Variants in ARHGAP10 observed in about 807,000 individuals in gnomAD.
ARHGAP10 encodes Rho GTPase activating protein 10.
A neutral mutation model predicts 108.6 loss-of-function variants in ARHGAP10; 87 were observed. The observed-to-expected ratio is 0.80, with a 90% confidence interval of 0.67 to 0.96. The LOEUF is 0.96. Among genes scored for constraint, ARHGAP10 ranks in the 40% least tolerant of loss-of-function variants. The pLI is 0.00. For missense variants in ARHGAP10, 939 were observed against 954.5 expected (o/e 0.98, Z 0.21); for synonymous variants, 347 against 341.1 (o/e 1.02, Z -0.19).
chr4:147,882,525 A>G (rs1165857827), intron 10 of ARHGAP10, among the ~76,000 whole-genome samples: 4 of 152,062 alleles, frequency 2.6e-5, no homozygotes, highest in African/African-American at 2.4e-5. Flanking sequence ...TGTAGCATGA[A>G]GAGAACAATG....
At chr4:147,779,627 G>A (rs560156142) in intron 1 of ARHGAP10, among the ~76,000 whole-genome samples, 1 of 152,208 alleles carries the variant, frequency 6.6e-6, no homozygotes, top group South Asian at 2.1e-4. Flanking sequence ...CTTCAGTTTG[G>A]GAGTCTGGGG....
chr4:147,828,060 C>T (rs2126792909), intron 3 of ARHGAP10, among the ~76,000 whole-genome samples: 1 of 152,280 alleles, frequency 6.6e-6, no homozygotes, highest in East Asian at 1.9e-4. Flanking sequence ...GCCTCATTCA[C>T]CCAAAGTGCT....
intron 18 of ARHGAP10, among the ~76,000 whole-genome samples, chr4:148,014,524 T>C (rs1741280230): frequency 6.6e-6 from 1 of 152,208 alleles, no homozygotes; most frequent in Non-Finnish European, 1.5e-5. Flanking sequence ...AAAGTTTACA[T>C]AGTGAAAATT....
intron 18 of ARHGAP10, among the ~76,000 whole-genome samples, chr4:148,013,059 A>G (rs2149655740): frequency 6.6e-6 from 1 of 152,286 alleles, no homozygotes; most frequent in South Asian, 2.1e-4. Context: ...TTATCAATTA[A>G]AGCAAAGTGT....
chr4:147,857,757 T>G, intron 5 of ARHGAP10, 103 bp downstream of exon 5: 1 of 1,039,640 alleles, frequency 9.6e-7, no homozygotes, highest in Non-Finnish European at 1.3e-6. Context: ...TGGCATTATA[T>G]AGAGATAACA....
At chr4:147,870,040 G>A (rs1223753643) in intron 7 of ARHGAP10, among the ~76,000 whole-genome samples, 1 of 147,596 alleles carries the variant, frequency 6.8e-6, no homozygotes, top group Admixed American at 6.8e-5. Flanking sequence ...GTGTGTGTGT[G>A]TGTGTTTCAT....
At chr4:147,891,358 A>G (rs1341532210) in intron 10 of ARHGAP10, among the ~76,000 whole-genome samples, 2 of 152,246 alleles carry the variant, frequency 1.3e-5, no homozygotes, top group East Asian at 1.9e-4. Flanking sequence ...ATAAAAGGCC[A>G]TGTATATATG....
chr4:148,014,559 C>T (rs1231176643), intron 18 of ARHGAP10, among the ~76,000 whole-genome samples: 2 of 152,122 alleles, frequency 1.3e-5, no homozygotes, highest in African/African-American at 2.4e-5. Context: ...TGGTTCTGAG[C>T]GTATTATCAA....
intron 13 of ARHGAP10, among the ~76,000 whole-genome samples, chr4:147,924,569 CA>C (rs1282386591): frequency 6.6e-6 from 1 of 152,132 alleles, no homozygotes; most frequent in Admixed American, 6.5e-5. Flanking sequence ...GTTTTTAGAA[CA>C]GAAGAAACTT....
chr4:148,010,465 T>G (rs1034626465), intron 18 of ARHGAP10, among the ~76,000 whole-genome samples: 8 of 152,222 alleles, frequency 5.3e-5, no homozygotes, highest in South Asian at 4.1e-4. Flanking sequence ...TCATACCCTT[T>G]TTTTGGTTGA....
chr4:147,751,232 A>G (rs1729133508), intron 1 of ARHGAP10, among the ~76,000 whole-genome samples: 1 of 152,264 alleles, frequency 6.6e-6, no homozygotes, highest in South Asian at 2.1e-4. Flanking sequence ...GTTTTAGATT[A>G]GAGATGTTAG....
At chr4:147,954,848 T>G (rs538019335) in intron 15 of ARHGAP10, among the ~76,000 whole-genome samples, 2 of 152,168 alleles carry the variant, frequency 1.3e-5, no homozygotes, top group South Asian at 4.1e-4. Context: ...AAAGATAAAT[T>G]CTTATTTTTA....
chr4:147,768,793 C>CAGTG (rs1327148072), intron 1 of ARHGAP10, among the ~76,000 whole-genome samples: 4 of 148,432 alleles, frequency 2.7e-5, no homozygotes, highest in Non-Finnish European at 4.4e-5. Flanking sequence ...GACTGGAGTG[C>CAGTG]AGTGGTGCCA....
intron 1 of ARHGAP10, 73 bp downstream of exon 1, chr4:147,732,528 C>G: frequency 2.5e-6 from 4 of 1,582,876 alleles, no homozygotes; most frequent in Non-Finnish European, 2.6e-6. Flanking sequence ...CGGCAGGAGA[C>G]GGAGGGTCTT....
At chr4:147,856,529 T>G (rs1734086440) in intron 4 of ARHGAP10, among the ~76,000 whole-genome samples, 1 of 152,210 alleles carries the variant, frequency 6.6e-6, no homozygotes, top group South Asian at 2.1e-4. Flanking sequence ...CTCTGATGGT[T>G]CAGTGTACAT....
At position 148,014,621 on chromosome 4, in the gene ARHGAP10, C is replaced by T. The variant is rs1416258878; in HGVS notation, c.1717-8642C>T. ...GTGAAACACTGGAAGAAGCAGGGCA[C>T]TGATGTTGCATCCCTAGTTAGTGGC... is the stretch of plus-strand genomic sequence containing the variant. On this transcript the variant is annotated intron_variant, in intron 18 of 22. Coordinates refer to ENST00000336498, the MANE Select transcript of ARHGAP10 (RefSeq NM_024605.4). Among the ~76,000 whole-genome samples the T allele has an allele frequency of 2.6e-5, 4 of 152,324 alleles. No homozygotes were observed. The East Asian group carries it at 7.7e-4, about 29-fold the overall frequency.
intron 3 of ARHGAP10, among the ~76,000 whole-genome samples, chr4:147,840,190 C>A (rs1329197316): frequency 6.6e-6 from 1 of 152,012 alleles, no homozygotes. Flanking sequence ...CACCACCTTG[C>A]CAGGCAGCCT....
intron 1 of ARHGAP10, among the ~76,000 whole-genome samples, chr4:147,810,833 T>C (rs744031): frequency 0.87 from 132,621 of 152,222 alleles, 58,566 homozygotes; most frequent in Non-Finnish European, 0.94. Flanking sequence ...AAAGCCATCA[T>C]GACAGGGTCT....
chr4:147,913,176 T>C (rs1251931952), intron 13 of ARHGAP10, 37 bp downstream of exon 13: 2 of 1,574,728 alleles, frequency 1.3e-6, no homozygotes, highest in East Asian at 2.2e-5. Flanking sequence ...TGAGAGGCTA[T>C]AGGTATGTAA....
Sources: allele counts gnomAD v4.1 joint callset (sites outside exome capture counted in the v4.1 genomes callset), GRCh38; gene constraint gnomAD v4.1.1; transcripts MANE v1.5; gene names NCBI Gene and HGNC (gene_info 2026-07-23, HGNC 2026-07-21).